The following MTMR7 variants were observed in gnomAD, a reference collection of about 807,000 sequenced individuals.
The protein encoded by MTMR7 is myotubularin related protein 7.
MTMR7 carries 76 observed loss-of-function variants against 81.2 expected under a neutral mutation model. The ratio of observed to expected loss-of-function variants is 0.94; its 90% CI spans 0.78 to 1.13. The LOEUF is 1.13. MTMR7 is among the 50% of genes most tolerant of loss of function. The pLI, the probability that MTMR7 is intolerant of heterozygous loss-of-function variation, is 0.00. For missense variants in MTMR7, 1,044 were observed against 820.0 expected, an observed-to-expected ratio of 1.27 and a Z score of -3.34; for synonymous variants, 372 against 289.8, an observed-to-expected ratio of 1.28 and a Z score of -2.88.
chr8:17,378,202 A>G (rs920834706), intron 1 of MTMR7, among the ~76,000 whole-genome samples: 1 of 152,174 alleles, frequency 6.6e-6, no homozygotes, highest in Non-Finnish European at 1.5e-5. Context: ...AGAGCTGTCA[A>G]AAGTAATTTT....
At chr8:17,408,821 A>G (rs1821665723) in intron 1 of MTMR7, among the ~76,000 whole-genome samples, 1 of 152,216 alleles carries the variant, frequency 6.6e-6, no homozygotes, top group South Asian at 2.1e-4. Context: ...GGCATCATCA[A>G]GTTTAACTAC....
chr8:17,332,552 C>T (rs368248877), intron 6 of MTMR7, among the ~76,000 whole-genome samples: 1 of 152,118 alleles, frequency 6.6e-6, no homozygotes, highest in Non-Finnish European at 1.5e-5. Flanking sequence ...TCATGATGAG[C>T]CCATTGGAAG....
chr8:17,322,848 G>A (rs1176823448), intron 7 of MTMR7, among the ~76,000 whole-genome samples: 2 of 151,712 alleles, frequency 1.3e-5, no homozygotes, highest in African/African-American at 4.8e-5. Flanking sequence ...ATATGTATGT[G>A]TGTGCCCATT....
intron 3 of MTMR7, among the ~76,000 whole-genome samples, chr8:17,370,820 C>T (rs897411775): frequency 1.3e-5 from 2 of 152,018 alleles, no homozygotes; most frequent in Admixed American, 6.6e-5. Context: ...TACTAAGATT[C>T]ATGAAAGAGA....
Position 17,299,739 on chromosome 8 carries a change from G to T in MTMR7, c.*123C>A. ...CTGGGCACTTTTTTCCCTTTTCATAGCTGCATTAAAGTAGTTCTCAATGAC... is the reference window on the plus strand; with the variant it reads ...CTGGGCACTTTTTTCCCTTTTCATATCTGCATTAAAGTAGTTCTCAATGAC... On this transcript the variant is annotated 3_prime_UTR_variant, in exon 14 of 14. Coordinates refer to ENST00000180173, the MANE Select transcript of MTMR7 (RefSeq NM_004686.5). 2 of 1,371,388 alleles carry T rather than the reference G, an allele frequency of 1.5e-6. No homozygotes were observed. Among genetic ancestry groups the T allele is most frequent in the Non-Finnish European group, 2.0e-6 (2 of 1,008,094 alleles). The allele number at this position is 1,371,388 out of a possible 1,614,324, so 85.0% of individuals were successfully genotyped here.
At chr8:17,384,459 G>A (rs1448914284) in intron 1 of MTMR7, among the ~76,000 whole-genome samples, 2 of 152,074 alleles carry the variant, frequency 1.3e-5, no homozygotes, top group Admixed American at 1.3e-4. Flanking sequence ...CCATAACACA[G>A]ACTTCAGAGT....
chr8:17,337,208 C>CA (rs1295360118), intron 6 of MTMR7, among the ~76,000 whole-genome samples: 2 of 151,702 alleles, frequency 1.3e-5, no homozygotes, highest in Non-Finnish European at 2.9e-5. Flanking sequence ...ACTAAAAATA[C>CA]AAAAAAATTA....
At chr8:17,385,045 G>T (rs748420179) in intron 1 of MTMR7, among the ~76,000 whole-genome samples, 1 of 152,286 alleles carries the variant, frequency 6.6e-6, no homozygotes, top group East Asian at 1.9e-4. Flanking sequence ...TATCTGGGAG[G>T]CATGCAAAGA....
chr8:17,341,920 T>G (rs1819418276), intron 5 of MTMR7, among the ~76,000 whole-genome samples: 1 of 81,216 alleles, frequency 1.2e-5, no homozygotes, highest in South Asian at 2.5e-4. Context: ...CTTTCCAACC[T>G]TTTTTTTTTT....
chr8:17,391,364 T>G (rs1268557660), intron 1 of MTMR7, among the ~76,000 whole-genome samples: 2 of 152,168 alleles, frequency 1.3e-5, no homozygotes, highest in African/African-American at 4.8e-5. Context: ...TGATGACATA[T>G]ATATTGTTTT....
intron 1 of MTMR7, among the ~76,000 whole-genome samples, chr8:17,380,285 T>C (rs545996933): frequency 8.8e-4 from 134 of 152,310 alleles, no homozygotes; most frequent in African/African-American, 3.0e-3. Flanking sequence ...ATAACAAATA[T>C]TTTTTGATAT....
intron 6 of MTMR7, among the ~76,000 whole-genome samples, chr8:17,340,475 T>C (rs542745187): frequency 1.2e-4 from 18 of 152,330 alleles, no homozygotes; most frequent in African/African-American, 4.1e-4. Flanking sequence ...CTGTCTGCTG[T>C]AGTCAATGCA....
intron 6 of MTMR7, among the ~76,000 whole-genome samples, chr8:17,338,114 C>T (rs113022362): frequency 2.0e-5 from 3 of 152,296 alleles, no homozygotes; most frequent in African/African-American, 7.2e-5. Flanking sequence ...AATGAAAGCT[C>T]TAAGTAAACA....
At chr8:17,371,256 AGG>A in intron 2 of MTMR7, 57 bp from the exon 3 acceptor site, 1 of 1,545,712 alleles carries the variant, frequency 6.5e-7, no homozygotes, top group East Asian at 2.3e-5. Flanking sequence ...GAATACGACA[AGG>A]ACTAACATTT....
chr8:17,399,495 G>C (rs549970663), intron 1 of MTMR7, among the ~76,000 whole-genome samples: 16 of 152,168 alleles, frequency 1.1e-4, no homozygotes, highest in Middle Eastern at 3.4e-3. Flanking sequence ...CACAAAAATG[G>C]AAAGATATTC....
chr8:17,363,773 A>C (rs1382496683), intron 3 of MTMR7, among the ~76,000 whole-genome samples: 2 of 152,106 alleles, frequency 1.3e-5, no homozygotes, highest in African/African-American at 4.8e-5. Context: ...TACTCTAAGA[A>C]ATCGAAAAGC....
intron 5 of MTMR7, among the ~76,000 whole-genome samples, chr8:17,347,877 C>T (rs974917170): frequency 2.0e-5 from 3 of 152,154 alleles, no homozygotes; most frequent in African/African-American, 7.2e-5. Context: ...AAAAGCTGGG[C>T]ACACAACATT....
At chr8:17,337,806 TG>T (rs1206752054) in intron 6 of MTMR7, among the ~76,000 whole-genome samples, 2 of 152,088 alleles carry the variant, frequency 1.3e-5, no homozygotes, top group Non-Finnish European at 2.9e-5. Flanking sequence ...TTTGTAGAGA[TG>T]GGGGTCTCAC....
chr8:17,332,922 C>T (rs979952252), intron 6 of MTMR7, among the ~76,000 whole-genome samples: 21 of 152,052 alleles, frequency 1.4e-4, no homozygotes, highest in African/African-American at 2.7e-4. Flanking sequence ...GCATGGCAGG[C>T]GACAGGAGAA....
Sources: allele counts gnomAD v4.1 joint callset (sites outside exome capture counted in the v4.1 genomes callset), GRCh38; gene constraint gnomAD v4.1.1; transcripts MANE v1.5; gene names NCBI Gene and HGNC (gene_info 2026-07-23, HGNC 2026-07-21).